Variants in ASH1L observed in about 807,000 individuals in gnomAD.
The protein encoded by ASH1L is ASH1 like histone lysine methyltransferase, also known as histone-lysine N-methyltransferase ASH1L.
In ASH1L, 23 loss-of-function variants were observed where a neutral mutation model predicts 269.0. That is an observed-to-expected ratio of 0.09 (90% CI 0.06 to 0.12). The LOEUF (loss-of-function observed/expected upper bound fraction) is 0.12, where lower values mean the gene tolerates loss of function less well. ASH1L is among the 10% of genes least tolerant of loss of function. The probability of loss-of-function intolerance (pLI) is 1.00; values close to 1 mark genes in which losing one functional copy is unlikely to be tolerated. For synonymous variants in ASH1L, 1,187 were observed against 1,253.5 expected (o/e 0.95, Z 1.12); for missense variants, 2,912 against 3,567.8 (o/e 0.82, Z 4.68).
chr1:155,559,003 C>T (rs953022695), intron 1 of ASH1L, among the ~76,000 whole-genome samples: 1 of 151,872 alleles, frequency 6.6e-6, no homozygotes, highest in African/African-American at 2.4e-5. Context: ...CACACCATGC[C>T]TGGCTAATTT....
intron 2 of ASH1L, among the ~76,000 whole-genome samples, chr1:155,492,161 G>C (rs1033539943): frequency 6.7e-6 from 1 of 149,886 alleles, no homozygotes; most frequent in Non-Finnish European, 1.5e-5. Flanking sequence ...TCAGCCTCCC[G>C]AGTCGCTGGG....
intron 7 of ASH1L, among the ~76,000 whole-genome samples, chr1:155,391,990 G>T (rs934233523): frequency 2.0e-5 from 3 of 152,032 alleles, no homozygotes; most frequent in Non-Finnish European, 4.4e-5. Context: ...AAATAAGAAA[G>T]AAATAAAAGA....
At chr1:155,345,313 T>C (rs572399698) in intron 21 of ASH1L, among the ~76,000 whole-genome samples, 2 of 150,374 alleles carry the variant, frequency 1.3e-5, no homozygotes, top group South Asian at 4.2e-4. Context: ...CCCAAGTAGA[T>C]GGGATTACAG....
chr1:155,364,669 G>A (rs990472111), intron 12 of ASH1L, among the ~76,000 whole-genome samples: 3 of 151,936 alleles, frequency 2.0e-5, no homozygotes, highest in African/African-American at 7.3e-5. Context: ...GCCCGGCATG[G>A]TGGCTCACAC....
rs1486631302 is a variant in ASH1L at position 155,378,494 on chromosome 1, G to A, written c.6223+9C>T. ...TAGAGGCAGAAAAAATAGCTCCTAA[G>A]TTACTCACTTGAACGAATTTTCTTA... On this transcript the variant is annotated intron_variant, in intron 9 of 27. Coordinates refer to ENST00000392403, the MANE Select transcript of ASH1L (RefSeq NM_018489.3). The A allele has an allele frequency of 1.5e-5, 25 of 1,613,348 alleles. No individual in the cohort carries two copies. Among genetic ancestry groups the A allele is most frequent in the Non-Finnish European group, 1.9e-5 (23 of 1,179,678 alleles).
Position 155,379,475 on chromosome 1 carries a change from G to C in ASH1L, c.6177+568C>G, listed in dbSNP as rs565701321. On this transcript the variant is annotated intron_variant, in intron 8 of 27. Transcript: ENST00000392403. Reference sequence around the variant, plus strand: ...TGGTTGTTCTCAATATGAGACCTGGGGGCTATAAGCTAATACAAAAATCAC... The same window carrying C: ...TGGTTGTTCTCAATATGAGACCTGGCGGCTATAAGCTAATACAAAAATCAC... 2.6e-5 allele frequency among the ~76,000 whole-genome samples: 4 copies of C among 152,124 alleles called. No homozygotes were observed. In the South Asian group the frequency reaches 6.2e-4, roughly 24 times the overall value.
intron 3 of ASH1L, among the ~76,000 whole-genome samples, chr1:155,469,443 A>G (rs1237022932): frequency 6.6e-6 from 1 of 152,050 alleles, no homozygotes; most frequent in African/African-American, 2.4e-5. Context: ...TCAGCCTCCC[A>G]AAGTTCTGGG....
intron 3 of ASH1L, among the ~76,000 whole-genome samples, chr1:155,461,627 G>C (rs545707522): frequency 6.6e-6 from 1 of 152,070 alleles, no homozygotes; most frequent in South Asian, 2.1e-4. Flanking sequence ...AGGCATCAGA[G>C]AAGACATAAC....
At chr1:155,400,240 G>C (rs750237799) in intron 6 of ASH1L, among the ~76,000 whole-genome samples, 49 of 150,746 alleles carry the variant, frequency 3.3e-4, no homozygotes, top group Admixed American at 3.3e-4. Flanking sequence ...GGCTGAGAAG[G>C]AGAATCGCTT....
rs915917179 is a variant in ASH1L, at chr1:155,377,263, G to T, written c.6332+1018C>A. On this transcript the variant is annotated intron_variant, in intron 10 of 27. Transcript: ENST00000392403. Reference sequence around the variant, plus strand: ...ATTCCACACTTTATTTTCAGAGAGAGAATATATCCCCATATGAAGAGCATA... The same window carrying T: ...ATTCCACACTTTATTTTCAGAGAGATAATATATCCCCATATGAAGAGCATA... Among the ~76,000 whole-genome samples, 4 of 152,154 alleles carry T rather than the reference G, an allele frequency of 2.6e-5. 1 individual carries two copies. Among genetic ancestry groups the T allele is most frequent in the Non-Finnish European group, 4.4e-5 (3 of 68,024 alleles).
chr1:155,558,286 T>C (rs1472825243), intron 1 of ASH1L, among the ~76,000 whole-genome samples: 1 of 151,948 alleles, frequency 6.6e-6, no homozygotes, highest in Non-Finnish European at 1.5e-5. Context: ...CTGACCAACA[T>C]GGCAAAACCC....
chr1:155,364,897 A>G (rs1012445733), intron 12 of ASH1L, among the ~76,000 whole-genome samples: 15 of 148,712 alleles, frequency 1.0e-4, no homozygotes, highest in African/African-American at 3.3e-4. Context: ...AGCCAAGATC[A>G]TACCACTGTA....
intron 10 of ASH1L, among the ~76,000 whole-genome samples, chr1:155,371,905 G>A (rs1442292653): frequency 6.6e-6 from 1 of 152,120 alleles, no homozygotes; most frequent in East Asian, 1.9e-4. Context: ...TGTTGGCCAG[G>A]CTGGTCTCAA....
chr1:155,452,711 T>C (rs1357062470), intron 4 of ASH1L, among the ~76,000 whole-genome samples: 1 of 151,926 alleles, frequency 6.6e-6, no homozygotes, highest in Admixed American at 6.6e-5. Flanking sequence ...TGCGTGACCA[T>C]GTCTGGCTAA....
At chr1:155,385,546 T>C (rs892423341) in intron 7 of ASH1L, among the ~76,000 whole-genome samples, 2 of 152,220 alleles carry the variant, frequency 1.3e-5, no homozygotes, top group African/African-American at 2.4e-5. Context: ...GGCATTTTTA[T>C]CAAGACTGCT....
At chr1:155,511,792 C>T (rs192293129) in intron 2 of ASH1L, among the ~76,000 whole-genome samples, 29 of 152,178 alleles carry the variant, frequency 1.9e-4, no homozygotes, top group African/African-American at 7.0e-4. Context: ...GGGTGAGCCA[C>T]CACGCCCGGC....
In ASH1L at chr1:155,395,542, C is replaced by A; in HGVS notation, c.6020G>T (p.Arg2007Leu). Reference protein sequence around the residue: ...DVYKTTDPKSRLIQLKKEKLE... With the variant: ...DVYKTTDPKSLLIQLKKEKLE... ...CTTCTCTTTCTTTAATTGGATCAAT[C>A]GACTCTTTGGGCTGTGATAAAAAAA... Residue 2007 changes from arginine to leucine, a missense_variant, in exon 7 of 28, where the codon CGA becomes CTA. Around this residue, in one of 13 missense-constraint regions of ASH1L, gnomAD observed 193 missense variants for 311.6 expected, o/e 0.62. Transcript: ENST00000392403. 1 of 1,608,400 alleles carries A rather than the reference C, an allele frequency of 6.2e-7. No homozygotes were observed. Among genetic ancestry groups the A allele is most frequent in the South Asian group, 1.1e-5 (1 of 90,016 alleles).
Position 155,359,315 on chromosome 1 carries a change from G to A in ASH1L, c.6795+986C>T, listed in dbSNP as rs114650125. ...TTTTCTTTTTTTGAGCTGAAGTCTCGCTCTGTCGCCCAGGATGGAGTGCAT... is the reference window on the plus strand; with the variant it reads ...TTTTCTTTTTTTGAGCTGAAGTCTCACTCTGTCGCCCAGGATGGAGTGCAT... On this transcript the variant is annotated intron_variant, in intron 13 of 27. Coordinates refer to ENST00000392403, the MANE Select transcript of ASH1L (RefSeq NM_018489.3). 6.2e-3 allele frequency among the ~76,000 whole-genome samples: 940 copies of A among 152,000 alleles called. 10 individuals are homozygous for A. The highest frequency in any genetic ancestry group is 0.022 in the African/African-American group (907 of 41,458).
intron 7 of ASH1L, among the ~76,000 whole-genome samples, chr1:155,381,680 G>C (rs955138173): frequency 2.0e-5 from 3 of 151,872 alleles, no homozygotes; most frequent in Non-Finnish European, 4.4e-5. Context: ...TTCAAGACCA[G>C]CCTGGCCAAC....
Sources: gnomAD v4.1 joint callset for allele counts (sites outside exome capture counted in the v4.1 genomes callset) on GRCh38, gnomAD v4.1.1 for gene constraint, gnomAD v4.1.1 regional missense constraint, MANE v1.5 for transcripts, NCBI Gene and HGNC (gene_info 2026-07-23, HGNC 2026-07-21) for gene names.